The following TERF2 variants were observed in gnomAD, a reference collection of about 807,000 sequenced individuals.
The protein encoded by TERF2 is telomeric repeat binding factor 2, also known as telomeric repeat-binding factor 2.
In TERF2, 16 loss-of-function variants were observed where a neutral mutation model predicts 56.1. The observed-to-expected ratio is 0.29, with a 90% CI of 0.19 to 0.43. TERF2 has a LOEUF of 0.43. Among genes scored for constraint, TERF2 ranks in the 20% least tolerant of loss-of-function variants. The pLI, the probability that TERF2 is intolerant of heterozygous loss-of-function variation, is 1.00. For synonymous variants in TERF2, 296 were observed against 282.1 expected (o/e 1.05, Z -0.50); for missense variants, 547 against 712.9 (o/e 0.77, Z 2.65).
intron 5 of TERF2, among the ~76,000 whole-genome samples, chr16:69,369,886 C>T (rs529749896): frequency 1.3e-5 from 2 of 152,202 alleles, no homozygotes; most frequent in Non-Finnish European, 2.9e-5. Context: ...CACAAGTCAT[C>T]GCCTTTGGGA....
At chr16:69,384,862 T>A (rs912977596) in intron 2 of TERF2, 152 bp from the exon 3 acceptor site, 2 of 704,366 alleles carry the variant, frequency 2.8e-6, no homozygotes. Flanking sequence ...CAGGTTGACA[T>A]ACACGATAAG....
intron 3 of TERF2, among the ~76,000 whole-genome samples, chr16:69,373,384 A>G (rs888709824): frequency 2.0e-5 from 3 of 152,180 alleles, no homozygotes; most frequent in Admixed American, 2.0e-4. Context: ...GAACATTTAC[A>G]AGGAAGTTAT....
At chr16:69,377,528 G>GT (rs2013840210) in intron 3 of TERF2, among the ~76,000 whole-genome samples, 1 of 151,970 alleles carries the variant, frequency 6.6e-6, no homozygotes, top group Admixed American at 6.6e-5. Context: ...GGGTTTCACC[G>GT]TGTTGGCCAG....
chr16:69,375,856 A>C (rs1217449881), intron 3 of TERF2, among the ~76,000 whole-genome samples: 1 of 152,076 alleles, frequency 6.6e-6, no homozygotes, highest in Non-Finnish European at 1.5e-5. Context: ...CTTTTCATGT[A>C]ATTTTTTTTT....
At chr16:69,375,636 C>G (rs894690409) in intron 3 of TERF2, among the ~76,000 whole-genome samples, 11 of 151,928 alleles carry the variant, frequency 7.2e-5, no homozygotes, top group African/African-American at 2.7e-4. Flanking sequence ...ATTAATTTTT[C>G]TTGAGATAGG....
At chr16:69,362,009 C>T (rs2013163555) in intron 7 of TERF2, among the ~76,000 whole-genome samples, 1 of 150,252 alleles carries the variant, frequency 6.7e-6, no homozygotes, top group Admixed American at 6.7e-5. Flanking sequence ...AGGACAATCA[C>T]CCTAAAATTA....
rs573923575 is a variant in TERF2, at chr16:69,385,182, T to TA, written c.475+208dup. On this transcript the variant is annotated intron_variant, in intron 2 of 9. Coordinates refer to ENST00000254942, the MANE Select transcript of TERF2 (RefSeq NM_005652.5). ...AGCAATTAACAGGTGGGAGAAGATT[T>TA]AAAAAAAACACAGAAAAGCAGCCAA... is the stretch of plus-strand genomic sequence containing the variant. Among the ~76,000 whole-genome samples, 63 of 151,420 alleles carry TA rather than the reference T, an allele frequency of 4.2e-4. 1 individual carries two copies. The highest frequency in any genetic ancestry group is 1.4e-3 in the East Asian group (7 of 5,132).
At chr16:69,374,562 G>A (rs990336788) in intron 3 of TERF2, among the ~76,000 whole-genome samples, 1 of 141,432 alleles carries the variant, frequency 7.1e-6, no homozygotes, top group African/African-American at 2.6e-5. Flanking sequence ...TTTGAGGGCA[G>A]CAGTGAGCTA....
At chr16:69,381,920 T>C (rs1302327590) in intron 3 of TERF2, among the ~76,000 whole-genome samples, 1 of 152,212 alleles carries the variant, frequency 6.6e-6, no homozygotes, top group Non-Finnish European at 1.5e-5. Flanking sequence ...TCTGAGCTTT[T>C]AAACAACTGT....
chr16:69,363,706 C>T (rs2013232399), intron 7 of TERF2, among the ~76,000 whole-genome samples: 1 of 152,288 alleles, frequency 6.6e-6, no homozygotes, highest in East Asian at 1.9e-4. Flanking sequence ...CAGTGGCTCA[C>T]GTCTGTAATC....
chr16:69,385,577 C>A lies in TERF2; in HGVS notation c.379+16G>T. The A allele has an allele frequency of 1.9e-6, 3 of 1,605,564 alleles. No individual in the cohort carries two copies. Among genetic ancestry groups the A allele is most frequent in the Non-Finnish European group, 1.7e-6 (2 of 1,174,794 alleles). Reference sequence around the variant, plus strand: ...TCCCCGGCGCTCCAACCCCCCTCCCCCGGCCCGGCCCTCACCCTGCATGAT... The same window carrying A: ...TCCCCGGCGCTCCAACCCCCCTCCCACGGCCCGGCCCTCACCCTGCATGAT... On this transcript the variant is annotated intron_variant, in intron 1 of 9. Transcript: ENST00000254942.
intron 4 of TERF2, among the ~76,000 whole-genome samples, chr16:69,371,270 G>A (rs545567423): frequency 1.2e-3 from 189 of 151,978 alleles, no homozygotes; most frequent in African/African-American, 4.3e-3. Flanking sequence ...AGGTCGAGGC[G>A]GGCGGATCAC....
intron 5 of TERF2, among the ~76,000 whole-genome samples, chr16:69,369,101 G>A (rs2013467191): frequency 1.3e-5 from 1 of 75,410 alleles, no homozygotes. Context: ...GCCCTGAGTA[G>A]GCTAATCAGG....
At chr16:69,371,072 AG>A (rs2013555863) in intron 4 of TERF2, among the ~76,000 whole-genome samples, 1 of 152,130 alleles carries the variant, frequency 6.6e-6, no homozygotes, top group Admixed American at 6.5e-5. Flanking sequence ...AAAAAAAAAA[AG>A]AAATTGGTTG....
chr16:69,362,289 T>C (rs1034539285), intron 7 of TERF2, among the ~76,000 whole-genome samples: 1 of 151,932 alleles, frequency 6.6e-6, no homozygotes. Flanking sequence ...AAGGCCATGG[T>C]TCTCAGTGAA....
At chr16:69,373,352 T>C (rs1347115107) in intron 3 of TERF2, among the ~76,000 whole-genome samples, 2 of 151,990 alleles carry the variant, frequency 1.3e-5, no homozygotes, top group Non-Finnish European at 1.5e-5. Context: ...TGAGGTTCTC[T>C]TGAGGAAAAA....
intron 4 of TERF2, among the ~76,000 whole-genome samples, chr16:69,371,269 C>A (rs572100888): frequency 6.6e-6 from 1 of 151,338 alleles, no homozygotes; most frequent in Non-Finnish European, 1.5e-5. Flanking sequence ...GAGGTCGAGG[C>A]GGGCGGATCA....
Position 69,356,812 on chromosome 16 carries a change from A to G in TERF2, c.*86T>C. ...GAGACTCTGTCTCAAAAAAAAAAAAAAAAGAAAAAGAAAGAAAGAGCAGAC... is the reference window on the plus strand; with the variant it reads ...GAGACTCTGTCTCAAAAAAAAAAAAGAAAGAAAAAGAAAGAAAGAGCAGAC... On this transcript the variant is annotated 3_prime_UTR_variant, in exon 10 of 10. Transcript: ENST00000254942. 6 of 1,448,404 alleles carry G rather than the reference A, an allele frequency of 4.1e-6. No individual in the cohort carries two copies. The highest frequency in any genetic ancestry group is 1.4e-5 in the African/African-American group (1 of 69,848). 89.7% of individuals were successfully genotyped at this position (1,448,404 alleles called of 1,614,324 possible). A position where few individuals can be genotyped will look rare whatever the true frequency, so the allele number is the denominator to read the frequency against.
At chr16:69,368,076 T>C (rs1170659733) in intron 6 of TERF2, among the ~76,000 whole-genome samples, 2 of 152,220 alleles carry the variant, frequency 1.3e-5, no homozygotes, top group East Asian at 1.9e-4. Context: ...GCTTCCTGAA[T>C]GTATTAAGAG....
Sources: gnomAD v4.1 joint callset for allele counts (sites outside exome capture counted in the v4.1 genomes callset) on GRCh38, gnomAD v4.1.1 for gene constraint, MANE v1.5 for transcripts, NCBI Gene and HGNC (gene_info 2026-07-23, HGNC 2026-07-21) for gene names.